IGSF5: variants seen among roughly 807,000 people sequenced by gnomAD.
The protein encoded by IGSF5 is immunoglobulin superfamily member 5.
A neutral mutation model predicts 39.4 loss-of-function variants in IGSF5; 41 were observed. That is an observed-to-expected ratio of 1.04 (90% CI 0.81 to 1.35). The LOEUF (loss-of-function observed/expected upper bound fraction) is 1.35. Among genes scored for constraint, IGSF5 ranks in the 40% most tolerant of loss-of-function variants. IGSF5 has a pLI of 0.00. For missense variants in IGSF5, 487 were observed against 494.6 expected (o/e 0.98, Z 0.15); for synonymous variants, 183 against 175.3 (o/e 1.04, Z -0.34).
chr21:39,758,380 G>C (rs2080043637), intron 2 of IGSF5, among the ~76,000 whole-genome samples: 2 of 152,298 alleles, frequency 1.3e-5, no homozygotes, highest in African/African-American at 2.4e-5. Flanking sequence ...TGTCCTGGGA[G>C]TCTGCATTAG....
intron 2 of IGSF5, among the ~76,000 whole-genome samples, chr21:39,761,182 C>T (rs1199504755): frequency 1.3e-5 from 2 of 152,198 alleles, no homozygotes. Flanking sequence ...ATAAATGGTG[C>T]TGGGATAACC....
the IGSF5 span, among the ~76,000 whole-genome samples, chr21:39,713,146 C>A: frequency 6.6e-6 from 1 of 152,288 alleles, no homozygotes; most frequent in Admixed American, 6.5e-5. Context: ...AGCCCCTTTC[C>A]CTGCCACCGT....
chr21:39,716,372 G>A, the IGSF5 span, among the ~76,000 whole-genome samples: 61 of 151,922 alleles, frequency 4.0e-4, no homozygotes, highest in Non-Finnish European at 7.5e-4. Context: ...TAGGTTTGGG[G>A]GTACATGTGA....
chr21:39,739,748 G>T, the IGSF5 span, among the ~76,000 whole-genome samples: 1 of 152,160 alleles, frequency 6.6e-6, no homozygotes, highest in African/African-American at 2.4e-5. Flanking sequence ...TGGAGCATGG[G>T]CTGTCAGGGT....
the IGSF5 span, among the ~76,000 whole-genome samples, chr21:39,723,693 G>A: frequency 6.6e-6 from 1 of 152,158 alleles, no homozygotes. Flanking sequence ...ATTCCCTAAA[G>A]CAAGGCACAA....
At chr21:39,725,506 G>A in the IGSF5 span, among the ~76,000 whole-genome samples, 1 of 152,068 alleles carries the variant, frequency 6.6e-6, no homozygotes, top group African/African-American at 2.4e-5. Context: ...AAAACAAAAG[G>A]GCTACGGACA....
At chr21:39,721,376 C>T in the IGSF5 span, among the ~76,000 whole-genome samples, 1 of 152,126 alleles carries the variant, frequency 6.6e-6, no homozygotes, top group Non-Finnish European at 1.5e-5. Flanking sequence ...AATCGTTCCA[C>T]CCAGGCAATT....
At chr21:39,795,879 C>T (rs1472245713) in intron 8 of IGSF5, among the ~76,000 whole-genome samples, 1 of 151,966 alleles carries the variant, frequency 6.6e-6, no homozygotes, top group Non-Finnish European at 1.5e-5. Context: ...AATCAGGACT[C>T]TAGGAAGTTG....
At chr21:39,731,784 A>C in the IGSF5 span, among the ~76,000 whole-genome samples, 1 of 152,202 alleles carries the variant, frequency 6.6e-6, no homozygotes, top group Non-Finnish European at 1.5e-5. Context: ...ATGAGACCCT[A>C]CCTAAGAAGA....
intron 3 of IGSF5, among the ~76,000 whole-genome samples, chr21:39,770,603 G>T (rs141911652): frequency 6.6e-6 from 1 of 151,920 alleles, no homozygotes; most frequent in Non-Finnish European, 1.5e-5. Flanking sequence ...CCCCCCTATG[G>T]CATGCACTTT....
intron 2 of IGSF5, among the ~76,000 whole-genome samples, chr21:39,763,654 TGAGGCTGGGG>T (rs1447039792): frequency 6.6e-6 from 1 of 152,102 alleles, no homozygotes; most frequent in Non-Finnish European, 1.5e-5. Context: ...TCTCACAGGG[TGAGGCTGGGG>T]CTCACCCACC....
chr21:39,774,705 A>C (rs2080130988), intron 4 of IGSF5, among the ~76,000 whole-genome samples: 1 of 152,178 alleles, frequency 6.6e-6, no homozygotes, highest in Non-Finnish European at 1.5e-5. Context: ...TTCTTTGTGC[A>C]CTTATTTGTG....
At chr21:39,731,718 C>T in the IGSF5 span, among the ~76,000 whole-genome samples, 1 of 152,134 alleles carries the variant, frequency 6.6e-6, no homozygotes, top group Admixed American at 6.5e-5. Flanking sequence ...GAAGTGGAAT[C>T]GTTCTCAGAG....
the IGSF5 span, among the ~76,000 whole-genome samples, chr21:39,713,284 T>TGCTC: frequency 6.6e-6 from 1 of 152,204 alleles, no homozygotes; most frequent in Admixed American, 6.5e-5. Context: ...GCCCTACTGG[T>TGCTC]GCTCCATCAT....
the IGSF5 span, among the ~76,000 whole-genome samples, chr21:39,721,665 C>G: frequency 6.7e-6 from 1 of 149,718 alleles, no homozygotes; most frequent in Admixed American, 6.6e-5. Context: ...CCAAACCTGG[C>G]CATCTGTCCC....
chr21:39,801,194 C>G, intron 8 of IGSF5, 68 bp from the exon 9 acceptor site: 1 of 1,137,016 alleles, frequency 8.8e-7, no homozygotes, highest in Non-Finnish European at 1.3e-6. Flanking sequence ...GTGAAGCTCT[C>G]TTTTCAAGTT....
chr21:39,779,089 G>A lies in IGSF5; in HGVS notation c.719-1G>A. ...CTAAAATATATTTTTTTCTTCTTTA[G>A]ACACTGGAGGTGGTATTAATATTCC... On this transcript the variant is annotated splice_acceptor_variant, in intron 4 of 8. Transcript: ENST00000380588. LOFTEE classifies it high-confidence loss of function. The A allele has an allele frequency of 4.3e-6, 7 of 1,611,438 alleles. No homozygotes were observed. Among genetic ancestry groups the A allele is most frequent in the Non-Finnish European group, 5.9e-6 (7 of 1,177,946 alleles).
the IGSF5 span, among the ~76,000 whole-genome samples, chr21:39,726,420 C>T: frequency 1.9e-4 from 29 of 152,286 alleles, no homozygotes; most frequent in African/African-American, 6.5e-4. Flanking sequence ...AGAAGACACG[C>T]AGGCCTCTGT....
intron 4 of IGSF5, among the ~76,000 whole-genome samples, chr21:39,774,078 G>A (rs187461180): frequency 1.3e-5 from 2 of 152,342 alleles, no homozygotes; most frequent in South Asian, 2.1e-4. Flanking sequence ...GGCTCAGTGG[G>A]TGCTTGCAAT....
Sources: allele counts gnomAD v4.1 joint callset (sites outside exome capture counted in the v4.1 genomes callset), GRCh38; gene constraint gnomAD v4.1.1; transcripts MANE v1.5; gene names NCBI Gene and HGNC (gene_info 2026-07-23, HGNC 2026-07-21).